The following PDE4D variants were observed in gnomAD, a reference collection of about 807,000 sequenced individuals.
The protein encoded by PDE4D is 3',5'-cyclic-AMP phosphodiesterase 4D.
PDE4D carries 24 observed loss-of-function variants against 87.4 expected under a neutral mutation model. That is an observed-to-expected ratio of 0.27 (90% CI 0.20 to 0.39). The LOEUF (loss-of-function observed/expected upper bound fraction) is 0.39. Among genes scored for constraint, PDE4D ranks in the 10% least tolerant of loss-of-function variants. The pLI, the probability that PDE4D is intolerant of heterozygous loss-of-function variation, is 1.00. For synonymous variants in PDE4D, 384 were observed against 383.2 expected (o/e 1.00, Z -0.02); for missense variants, 714 against 1,041.0 (o/e 0.69, Z 4.32).
At chr5:59,408,975 C>T (rs1792188387) in intron 1 of PDE4D, among the ~76,000 whole-genome samples, 1 of 151,788 alleles carries the variant, frequency 6.6e-6, no homozygotes, top group African/African-American at 2.4e-5. Flanking sequence ...GATGAAAATC[C>T]CCATCTCTAC....
intron 1 of PDE4D, among the ~76,000 whole-genome samples, chr5:59,736,002 A>G (rs1273023550): frequency 6.6e-6 from 1 of 152,088 alleles, no homozygotes; most frequent in Non-Finnish European, 1.5e-5. Flanking sequence ...AAAAATTTAA[A>G]AAACAAAAAA....
rs1378699956 is a variant in PDE4D at position 58,972,390 on chromosome 5, G to A, written c.*2274C>T. The A allele has an allele frequency of 6.6e-6, 1 of 152,504 alleles. No homozygotes were observed. Among genetic ancestry groups the A allele is most frequent in the Non-Finnish European group, 1.5e-5 (1 of 68,024 alleles). The allele number at this position is 152,504 out of a possible 1,614,324, so 9.4% of individuals were successfully genotyped here. A position where few individuals can be genotyped will look rare whatever the true frequency, so the allele number is the denominator to read the frequency against. On this transcript the variant is annotated 3_prime_UTR_variant, in exon 15 of 15. Transcript: ENST00000340635. ...CAATTAACTAGTTGATTCCTCTTCT[G>A]CTTTATGTAAAAGATCAGAGTTATA...
intron 1 of PDE4D, among the ~76,000 whole-genome samples, chr5:59,431,588 C>G (rs1434588574): frequency 6.6e-6 from 1 of 152,026 alleles, no homozygotes; most frequent in Admixed American, 6.6e-5. Flanking sequence ...CTGTTAAAAT[C>G]CAGAAATTTT....
Position 59,169,320 on chromosome 5 carries a change from ATT to A in PDE4D, c.808+11273_808+11274del, listed in dbSNP as rs36019773. On this transcript the variant is annotated intron_variant, in intron 5 of 14. Transcript: ENST00000340635. ...AGAATGCAGTTTGTGTGGTTCTTTT[ATT>A]TTTTTTTTTTCTTTTATTAGTTTAA... Among the ~76,000 whole-genome samples, 597 of 149,210 alleles carry A rather than the reference ATT, an allele frequency of 4.0e-3. 10 individuals carry two copies. The East Asian group carries it at 0.053, about 13-fold the overall frequency.
At chr5:59,663,895 C>T (rs1469466960) in intron 1 of PDE4D, among the ~76,000 whole-genome samples, 1 of 152,190 alleles carries the variant, frequency 6.6e-6, no homozygotes, top group African/African-American at 2.4e-5. Flanking sequence ...CCTTTTCTCA[C>T]CCTCGTCTCA....
intron 1 of PDE4D, among the ~76,000 whole-genome samples, chr5:59,223,745 A>C (rs1162980750): frequency 6.6e-6 from 1 of 152,142 alleles, no homozygotes; most frequent in Non-Finnish European, 1.5e-5. Context: ...TTATCTATGG[A>C]GATGAGACTG....
intron 5 of PDE4D, among the ~76,000 whole-genome samples, chr5:59,069,314 A>C (rs1318805799): frequency 6.6e-6 from 1 of 152,206 alleles, no homozygotes; most frequent in Non-Finnish European, 1.5e-5. Flanking sequence ...TGAACAAAAG[A>C]TAAAGAAAAG....
chr5:59,275,289 TCA>T, intron 1 of PDE4D: 4 of 1,435,038 alleles, frequency 2.8e-6, no homozygotes, highest in Non-Finnish European at 3.9e-6. Context: ...AAGGAGTACG[TCA>T]ATCTTAAAAG....
chr5:59,906,876 T>G (rs535334258), intron 3 of PDE4D, among the ~76,000 whole-genome samples: 1 of 152,142 alleles, frequency 6.6e-6, no homozygotes, highest in Admixed American at 6.5e-5. Context: ...AACCCACAAC[T>G]GGGTATATAC....
intron 1 of PDE4D, among the ~76,000 whole-genome samples, chr5:59,433,581 T>C (rs945858993): frequency 1.3e-5 from 2 of 152,062 alleles, no homozygotes; most frequent in African/African-American, 4.8e-5. Context: ...TTTAATTTCA[T>C]CTAAAGATTA....
At chr5:59,995,701 A>T (rs1763468123) in intron 2 of PDE4D, among the ~76,000 whole-genome samples, 1 of 152,152 alleles carries the variant, frequency 6.6e-6, no homozygotes, top group Non-Finnish European at 1.5e-5. Flanking sequence ...CTTTTTATTT[A>T]TGACACCAAG....
intron 11 of PDE4D, among the ~76,000 whole-genome samples, chr5:58,988,081 T>C (rs772618554): frequency 5.3e-5 from 8 of 152,114 alleles, no homozygotes; most frequent in Non-Finnish European, 1.0e-4. Context: ...GGGTTGGGCA[T>C]GGAGGAGGAA....
chr5:60,406,621 C>T lies in PDE4D; in HGVS notation c.-90+81321G>A, dbSNP rs139307606. ...GCTAAAATTTATGATCACACTTCCA[C>T]CTTTGATTATTGTGTAGGAGTTTAA... is the stretch of plus-strand genomic sequence containing the variant. On this transcript the variant is annotated intron_variant, in intron 1 of 16. Transcript: ENST00000502484. Among the ~76,000 whole-genome samples, 989 of 152,256 alleles carry T rather than the reference C, an allele frequency of 6.5e-3. 10 individuals carry two copies. Among genetic ancestry groups the T allele is most frequent in the African/African-American group, 0.022 (933 of 41,526 alleles).
chr5:60,245,603 A>G (rs114325624), intron 1 of PDE4D, among the ~76,000 whole-genome samples: 4,160 of 152,072 alleles, frequency 0.027, 207 homozygotes, highest in African/African-American at 0.095. Context: ...CATTAAAAAG[A>G]ATGAGATTCT....
chr5:59,776,430 T>C (rs1315291478), intron 1 of PDE4D, among the ~76,000 whole-genome samples: 1 of 152,216 alleles, frequency 6.6e-6, no homozygotes, highest in Non-Finnish European at 1.5e-5. Context: ...GGTGTTATTA[T>C]ATACCACAAA....
At chr5:60,183,847 T>C (rs1784569404) in intron 2 of PDE4D, among the ~76,000 whole-genome samples, 1 of 152,222 alleles carries the variant, frequency 6.6e-6, no homozygotes, top group Non-Finnish European at 1.5e-5. Flanking sequence ...TTTATAGCCC[T>C]AAAGTGACAA....
At chr5:60,077,077 G>T (rs1272148423) in intron 2 of PDE4D, among the ~76,000 whole-genome samples, 1 of 152,174 alleles carries the variant, frequency 6.6e-6, no homozygotes, top group Non-Finnish European at 1.5e-5. Flanking sequence ...TCAAGGCAGG[G>T]GTGACTCTGC....
At chr5:60,220,325 G>C (rs1040447778) in intron 1 of PDE4D, among the ~76,000 whole-genome samples, 4 of 152,148 alleles carry the variant, frequency 2.6e-5, no homozygotes, top group African/African-American at 9.7e-5. Flanking sequence ...ATTTATCCTA[G>C]AGCATTGTGT....
intron 6 of PDE4D, among the ~76,000 whole-genome samples, chr5:59,014,478 T>A (rs10155599): frequency 0.1 from 15,321 of 152,090 alleles, 1,038 homozygotes; most frequent in Non-Finnish European, 0.13. Context: ...TGTGCAAAAA[T>A]CACAAGCATT....
Sources: allele counts gnomAD v4.1 joint callset (sites outside exome capture counted in the v4.1 genomes callset), GRCh38; gene constraint gnomAD v4.1.1; transcripts MANE v1.5; gene names NCBI Gene and HGNC (gene_info 2026-07-23, HGNC 2026-07-21).